The following CRACD variants were observed in gnomAD, a reference collection of about 807,000 sequenced individuals.
CRACD encodes capping protein-inhibiting regulator of actin dynamics.
CRACD carries 56 observed loss-of-function variants against 106.8 expected under a neutral mutation model. The ratio of observed to expected loss-of-function variants is 0.52; its 90% CI spans 0.42 to 0.66. The LOEUF is 0.66. Ranked by LOEUF, CRACD falls within the 30% of genes least tolerant of loss-of-function variation. The pLI is 0.00. For missense variants in CRACD, 1,730 were observed against 1,623.2 expected (o/e 1.07, Z -1.13); for synonymous variants, 754 against 670.8 (o/e 1.12, Z -1.92).
At chr4:56,281,459 C>T (rs1743035372) in intron 3 of CRACD, among the ~76,000 whole-genome samples, 1 of 152,078 alleles carries the variant, frequency 6.6e-6, no homozygotes, top group African/African-American at 2.4e-5. Flanking sequence ...GTAAATGCAG[C>T]AGAACAGGAG....
At chr4:56,059,406 T>G (rs7672541) in intron 1 of CRACD, among the ~76,000 whole-genome samples, 55,842 of 152,070 alleles carry the variant, frequency 0.37, 11,805 homozygotes, top group African/African-American at 0.59. Context: ...AGCCTGGAAG[T>G]TCGAGGCTAC....
intron 1 of CRACD, among the ~76,000 whole-genome samples, chr4:56,132,789 AGACAC>A (rs1734870127): frequency 6.6e-6 from 1 of 152,230 alleles, no homozygotes; most frequent in African/African-American, 2.4e-5. Flanking sequence ...GTAACTTGCT[AGACAC>A]ATATTTATTT....
chr4:56,279,263 C>G (rs1742862701), intron 3 of CRACD, among the ~76,000 whole-genome samples: 1 of 152,152 alleles, frequency 6.6e-6, no homozygotes, highest in African/African-American at 2.4e-5. Context: ...GTCGCTCATG[C>G]CGGGAGCTGT....
At chr4:56,254,647 C>T (rs564427240) in intron 2 of CRACD, among the ~76,000 whole-genome samples, 2 of 152,052 alleles carry the variant, frequency 1.3e-5, no homozygotes, top group Non-Finnish European at 2.9e-5. Context: ...CCATCTAGAA[C>T]CCCTGCTAAA....
chr4:56,173,569 A>G (rs1736466441), intron 1 of CRACD, among the ~76,000 whole-genome samples: 1 of 152,232 alleles, frequency 6.6e-6, no homozygotes, highest in South Asian at 2.1e-4. Flanking sequence ...CTAAATGAGA[A>G]GAAACTGAAG....
At chr4:56,149,680 T>C (rs1044136284) in intron 1 of CRACD, among the ~76,000 whole-genome samples, 3 of 152,206 alleles carry the variant, frequency 2.0e-5, no homozygotes, top group Non-Finnish European at 4.4e-5. Flanking sequence ...CAATAGAACT[T>C]TGTCAAGTAC....
intron 2 of CRACD, among the ~76,000 whole-genome samples, chr4:56,199,301 C>T (rs1737764915): frequency 6.6e-6 from 1 of 152,132 alleles, no homozygotes; most frequent in South Asian, 2.1e-4. Context: ...CTCCAATTTG[C>T]AAATGTTTGG....
chr4:56,219,781 T>C (rs1246883656), intron 2 of CRACD, among the ~76,000 whole-genome samples: 1 of 152,246 alleles, frequency 6.6e-6, no homozygotes, highest in African/African-American at 2.4e-5. Flanking sequence ...ATTTCTCAGA[T>C]ACCTTCTAGC....
At chr4:56,174,195 A>G (rs1164619345) in intron 1 of CRACD, among the ~76,000 whole-genome samples, 1 of 152,168 alleles carries the variant, frequency 6.6e-6, no homozygotes. Context: ...GTACATATTT[A>G]TGGGGTACAT....
chr4:56,316,481 G>A lies in CRACD; in HGVS notation c.2979G>A (p.Ala993=), dbSNP rs3822003. 0.31 allele frequency: 506,459 copies of A among 1,613,294 alleles called. 83,872 individuals are homozygous for A. Among genetic ancestry groups the A allele is most frequent in the Middle Eastern group, 0.36 (2,180 of 6,062 alleles). The part of the protein sequence containing the change: ...PYLVELLSRR[A]GRPDPEPSEP... ...TGGTAGAGCTGCTGTCTCGCCGAGC[G>A]GGGAGGCCGGACCCAGAGCCAAGTG... is the stretch of plus-strand genomic sequence containing the variant. Residue 993 remains alanine (A), a synonymous_variant, in exon 8 of 11, where the codon GCG becomes GCA. Transcript: ENST00000682029.
At chr4:56,227,713 C>T (rs989847303) in intron 2 of CRACD, among the ~76,000 whole-genome samples, 18 of 152,096 alleles carry the variant, frequency 1.2e-4, no homozygotes, top group South Asian at 2.1e-4. Flanking sequence ...ACTCTATTTA[C>T]GAAAACAAAT....
intron 1 of CRACD, among the ~76,000 whole-genome samples, chr4:56,066,096 A>T (rs1327236338): frequency 6.6e-6 from 1 of 152,124 alleles, no homozygotes; most frequent in Non-Finnish European, 1.5e-5. Context: ...TCATCTGATG[A>T]TGGACATTTG....
At chr4:56,178,110 T>A (rs1392383011) in intron 1 of CRACD, among the ~76,000 whole-genome samples, 1 of 152,218 alleles carries the variant, frequency 6.6e-6, no homozygotes, top group African/African-American at 2.4e-5. Flanking sequence ...TTGATGAGAT[T>A]GTGTAAACTA....
chr4:56,248,166 G>A (rs1740805704), intron 2 of CRACD, among the ~76,000 whole-genome samples: 1 of 152,160 alleles, frequency 6.6e-6, no homozygotes, highest in African/African-American at 2.4e-5. Flanking sequence ...TGAAGAATCA[G>A]GAGTGTTACA....
Position 56,323,483 on chromosome 4 carries a change from G to A in CRACD, c.3294G>A (p.Lys1098=). The part of the protein sequence containing the change: ...LWITLALQKQ[K]GFREQQATRE... ...TAACGTTAGCACTGCAAAAGCAAAA[G>A]GGGTTTCGGGAGCAGCAGGCGACGC... The change falls in exon 9 of 11, where the codon AAG becomes AAA. Residue 1098 remains lysine, a synonymous_variant. Coordinates refer to ENST00000682029, the MANE Select transcript of CRACD (RefSeq NM_001393381.1). 6.2e-7 allele frequency: 1 copy of A among 1,610,050 alleles called. No individual in the cohort carries two copies. The highest frequency in any genetic ancestry group is 8.5e-7 in the Non-Finnish European group (1 of 1,179,010).
At chr4:56,266,556 T>C (rs1473332674) in intron 2 of CRACD, among the ~76,000 whole-genome samples, 1 of 152,262 alleles carries the variant, frequency 6.6e-6, no homozygotes, top group African/African-American at 2.4e-5. Context: ...TAAATTATAC[T>C]TCTATATGGC....
At chr4:56,188,238 C>A (rs1039995502) in intron 2 of CRACD, among the ~76,000 whole-genome samples, 1 of 152,070 alleles carries the variant, frequency 6.6e-6, no homozygotes, top group Non-Finnish European at 1.5e-5. Flanking sequence ...ATTTTCATTT[C>A]TTTATGGTGA....
chr4:56,203,802 C>T (rs1042476382), intron 2 of CRACD, among the ~76,000 whole-genome samples: 1 of 152,206 alleles, frequency 6.6e-6, no homozygotes, highest in African/African-American at 2.4e-5. Context: ...ACCTTACCTC[C>T]TGACCAGAAG....
At chr4:56,121,349 C>T (rs894610891) in intron 1 of CRACD, among the ~76,000 whole-genome samples, 2 of 152,154 alleles carry the variant, frequency 1.3e-5, no homozygotes, top group African/African-American at 4.8e-5. Flanking sequence ...ACATAAATGG[C>T]AGGAATGAAG....
Sources: gnomAD v4.1 joint callset for allele counts (sites outside exome capture counted in the v4.1 genomes callset) on GRCh38, gnomAD v4.1.1 for gene constraint, MANE v1.5 for transcripts, NCBI Gene and HGNC (gene_info 2026-07-23, HGNC 2026-07-21) for gene names.